Variants in PTPRM observed in about 807,000 individuals in gnomAD.
The protein encoded by PTPRM is receptor-type tyrosine-protein phosphatase mu.
In PTPRM, 47 loss-of-function variants were observed where a neutral mutation model predicts 186.7. That is an observed-to-expected ratio of 0.25 (90% CI 0.20 to 0.32). PTPRM has a LOEUF of 0.32. PTPRM is among the 10% of genes least tolerant of loss of function. PTPRM has a pLI of 1.00. For synonymous variants in PTPRM, 668 were observed against 674.9 expected (o/e 0.99, Z 0.16); for missense variants, 1,494 against 1,865.0 (o/e 0.80, Z 3.66).
At position 8,313,538 on chromosome 18, in the gene PTPRM, A is replaced by G. The variant is rs551881691; in HGVS notation, c.2843-1243A>G. ...ACACAGCAGTGATCAGTGCAGGAAAATTCTGCCCTTAGGGTGCTATTAGCA... is the reference window on the plus strand; with the variant it reads ...ACACAGCAGTGATCAGTGCAGGAAAGTTCTGCCCTTAGGGTGCTATTAGCA... On this transcript the variant is annotated intron_variant, in intron 20 of 32. Coordinates refer to ENST00000580170, the MANE Select transcript of PTPRM (RefSeq NM_001105244.2). Among the ~76,000 whole-genome samples, 4 of 151,960 alleles carry G rather than the reference A, an allele frequency of 2.6e-5. No individual in the cohort carries two copies. The South Asian group carries it at 8.3e-4, about 32-fold the overall frequency.
At chr18:7,755,512 G>A (rs1260941314) in intron 1 of PTPRM, among the ~76,000 whole-genome samples, 1 of 152,190 alleles carries the variant, frequency 6.6e-6, no homozygotes, top group African/African-American at 2.4e-5. Context: ...AACTGAGTTG[G>A]TGGCTGACTG....
intron 1 of PTPRM, 151 bp from the exon 2 acceptor site, chr18:7,773,998 T>C: frequency 1.5e-6 from 1 of 689,158 alleles, no homozygotes; most frequent in South Asian, 1.9e-5. Flanking sequence ...GATCACTAAG[T>C]GTTGGATGCA....
rs560759368 is a variant in PTPRM at position 8,075,568 on chromosome 18, T to A, written c.1442-887T>A. The stretch of plus-strand genomic sequence containing the variant: ...AAATGATGATGGGATAAATAACATT[T>A]TATAATGATATTGAATATTATTTTA... On this transcript the variant is annotated intron_variant, in intron 8 of 32. Transcript: ENST00000580170. 2.6e-5 allele frequency among the ~76,000 whole-genome samples: 4 copies of A among 152,290 alleles called. No individual in the cohort carries two copies. In the East Asian group the frequency reaches 7.7e-4, roughly 29 times the overall value.
chr18:8,217,657 G>T (rs1050678269), intron 14 of PTPRM, among the ~76,000 whole-genome samples: 2 of 152,096 alleles, frequency 1.3e-5, no homozygotes, highest in East Asian at 1.9e-4. Context: ...CACCTTTAGT[G>T]CCCTGGAAAT....
At chr18:8,081,844 G>A (rs2090146463) in intron 9 of PTPRM, among the ~76,000 whole-genome samples, 1 of 152,166 alleles carries the variant, frequency 6.6e-6, no homozygotes, top group Non-Finnish European at 1.5e-5. Flanking sequence ...TAATTTTTAG[G>A]AGTGCATGAA....
intron 7 of PTPRM, among the ~76,000 whole-genome samples, chr18:8,029,200 C>T (rs1568212788): frequency 1.3e-5 from 2 of 151,762 alleles, no homozygotes; most frequent in South Asian, 4.2e-4. Context: ...AGTGCCTCTC[C>T]TCCACCTGTC....
chr18:8,125,984 TA>T, intron 13 of PTPRM, among the ~76,000 whole-genome samples: 1 of 4,618 alleles, frequency 2.2e-4, no homozygotes, highest in African/African-American at 6.3e-4. Flanking sequence ...TACATATATA[TA>T]TATATATATA....
At chr18:7,913,733 T>C (rs1311192524) in intron 4 of PTPRM, among the ~76,000 whole-genome samples, 2 of 152,166 alleles carry the variant, frequency 1.3e-5, no homozygotes, top group African/African-American at 2.4e-5. Flanking sequence ...ACGAAGTTAC[T>C]GGGATATATG....
chr18:8,377,481 A>T (rs1449320125), intron 26 of PTPRM: 1 of 152,296 alleles, frequency 6.6e-6, no homozygotes, highest in African/African-American at 2.4e-5. Flanking sequence ...TGCCACTCGC[A>T]TTTCTCACTT....
intron 1 of PTPRM, 47 bp from the exon 2 acceptor site, chr18:7,774,102 G>A (rs369120653): frequency 2.7e-5 from 42 of 1,554,736 alleles, no homozygotes; most frequent in Middle Eastern, 1.7e-4. Flanking sequence ...GCTTATTCTA[G>A]AGGTCTGGTT....
chr18:8,306,119 A>G (rs1021536901), intron 20 of PTPRM, among the ~76,000 whole-genome samples: 3 of 151,750 alleles, frequency 2.0e-5, no homozygotes, highest in African/African-American at 7.3e-5. Flanking sequence ...CTGGTCTCGA[A>G]CTCCCGACCT....
chr18:8,244,246 C>T (rs2094457359), intron 15 of PTPRM, 37 bp downstream of exon 15: 1 of 1,463,636 alleles, frequency 6.8e-7, no homozygotes, highest in Non-Finnish European at 9.0e-7. Flanking sequence ...AACACATCTC[C>T]TTGGTTTTGC....
intron 7 of PTPRM, among the ~76,000 whole-genome samples, chr18:8,061,352 C>G (rs1475110681): frequency 2.2e-5 from 3 of 137,666 alleles, no homozygotes; most frequent in Non-Finnish European, 3.1e-5. Flanking sequence ...ATGTGTGTCT[C>G]TGCACGTGAG....
chr18:8,300,319 T>C (rs2095142859), intron 20 of PTPRM, among the ~76,000 whole-genome samples: 1 of 152,126 alleles, frequency 6.6e-6, no homozygotes, highest in Admixed American at 6.5e-5. Flanking sequence ...ACATACTGGC[T>C]CAATGACCTT....
chr18:7,744,303 C>T (rs1257711596), intron 1 of PTPRM, among the ~76,000 whole-genome samples: 1 of 151,880 alleles, frequency 6.6e-6, no homozygotes, highest in Non-Finnish European at 1.5e-5. Flanking sequence ...TGTCCTAGGG[C>T]CTTGAAAGGT....
chr18:8,275,764 T>C (rs2094826969), intron 19 of PTPRM, among the ~76,000 whole-genome samples: 2 of 152,232 alleles, frequency 1.3e-5, no homozygotes, highest in African/African-American at 4.8e-5. Flanking sequence ...ATATTTTCAC[T>C]GTGTTCTAGA....
At chr18:7,744,612 A>G in intron 1 of PTPRM, among the ~76,000 whole-genome samples, 1 of 152,102 alleles carries the variant, frequency 6.6e-6, no homozygotes. Flanking sequence ...TACCTGGCAC[A>G]TGGTAGGTAA....
intron 23 of PTPRM, among the ~76,000 whole-genome samples, chr18:8,359,977 C>T (rs2095587059): frequency 6.6e-6 from 1 of 152,218 alleles, no homozygotes; most frequent in Non-Finnish European, 1.5e-5. Flanking sequence ...TCCAAATCTA[C>T]TCCCTGAGCC....
At chr18:7,798,081 C>T (rs1277918251) in intron 2 of PTPRM, among the ~76,000 whole-genome samples, 1 of 152,094 alleles carries the variant, frequency 6.6e-6, no homozygotes, top group Non-Finnish European at 1.5e-5. Flanking sequence ...AGAGGTCTCC[C>T]ACTTGAGTGA....
Sources: gnomAD v4.1 joint callset for allele counts (sites outside exome capture counted in the v4.1 genomes callset) on GRCh38, gnomAD v4.1.1 for gene constraint, MANE v1.5 for transcripts, NCBI Gene and HGNC (gene_info 2026-07-23, HGNC 2026-07-21) for gene names.